LIPC: variants seen among roughly 807,000 people sequenced by gnomAD.
LIPC encodes hepatic triacylglycerol lipase.
A neutral mutation model predicts 50.7 loss-of-function variants in LIPC; 44 were observed. The observed-to-expected ratio is 0.87, with a 90% confidence interval of 0.68 to 1.11. The LOEUF (loss-of-function observed/expected upper bound fraction) is 1.11. Among genes scored for constraint, LIPC ranks in the 50% most tolerant of loss-of-function variants. The pLI is 0.00. For synonymous variants in LIPC, 271 were observed against 256.4 expected (o/e 1.06, Z -0.54); for missense variants, 697 against 648.2 (o/e 1.08, Z -0.82).
At chr15:58,453,919 T>C (rs945005348) in intron 1 of LIPC, among the ~76,000 whole-genome samples, 3 of 151,652 alleles carry the variant, frequency 2.0e-5, no homozygotes, top group Admixed American at 1.3e-4. Flanking sequence ...AGAATGTGGG[T>C]TCCTTAGCAC....
chr15:58,457,062 C>T (rs746416750), intron 1 of LIPC, among the ~76,000 whole-genome samples: 2 of 152,214 alleles, frequency 1.3e-5, no homozygotes, highest in South Asian at 2.1e-4. Flanking sequence ...AAGGCCAAAA[C>T]AGCACTGGGC....
chr15:58,561,047 C>G (rs1232255492), intron 7 of LIPC, 66 bp downstream of exon 7: 3 of 858,070 alleles, frequency 3.5e-6, no homozygotes, highest in Admixed American at 1.7e-5. Context: ...CATAAATGGA[C>G]TCTGTAATTT....
intron 1 of LIPC, among the ~76,000 whole-genome samples, chr15:58,507,479 G>A (rs1319091729): frequency 2.6e-5 from 4 of 152,148 alleles, no homozygotes; most frequent in African/African-American, 9.7e-5. Flanking sequence ...ACATATCTAC[G>A]ATTGAATTAT....
At chr15:58,490,328 C>T (rs1332085784) in intron 1 of LIPC, among the ~76,000 whole-genome samples, 1 of 152,114 alleles carries the variant, frequency 6.6e-6, no homozygotes, top group Non-Finnish European at 1.5e-5. Context: ...AGAGCTTCTG[C>T]CAGGAAAGAA....
At chr15:58,442,585 T>C (rs1893544395) in intron 1 of LIPC, among the ~76,000 whole-genome samples, 1 of 152,224 alleles carries the variant, frequency 6.6e-6, no homozygotes, top group Admixed American at 6.5e-5. Context: ...ACAGAAACCA[T>C]TATTTTTAAG....
intron 1 of LIPC, among the ~76,000 whole-genome samples, chr15:58,516,780 A>G (rs1160162455): frequency 1.3e-5 from 2 of 152,190 alleles, no homozygotes; most frequent in African/African-American, 2.4e-5. Context: ...GTTCTTGTGG[A>G]CTAATTTTAC....
At chr15:58,466,997 T>A (rs1278646636) in intron 1 of LIPC, among the ~76,000 whole-genome samples, 1 of 152,206 alleles carries the variant, frequency 6.6e-6, no homozygotes, top group Non-Finnish European at 1.5e-5. Flanking sequence ...GACAACCTCA[T>A]TTTTTTATAG....
Position 58,474,930 on chromosome 15 carries a change from C to G in LIPC, c.88+42810C>G, listed in dbSNP as rs191580634. The stretch of plus-strand genomic sequence containing the variant: ...CTAGGTCCTCGTGGATTCTGGGCCT[C>G]TGTCCAGTGACCAAAGGAGAGGACA... On this transcript the variant is annotated intron_variant, in intron 1 of 8. Coordinates refer to ENST00000299022, the MANE Select transcript of LIPC (RefSeq NM_000236.3). 1.4e-3 allele frequency among the ~76,000 whole-genome samples: 213 copies of G among 152,342 alleles called. 2 individuals are homozygous for G. Among genetic ancestry groups the G allele is most frequent in the East Asian group, 9.7e-4 (5 of 5,178 alleles).
At chr15:58,541,500 GA>G (rs1303363513) in intron 2 of LIPC, among the ~76,000 whole-genome samples, 4 of 150,318 alleles carry the variant, frequency 2.7e-5, no homozygotes, top group African/African-American at 9.7e-5. Context: ...GGGCGGGGGG[GA>G]ACGTTTGGAA....
At chr15:58,513,277 A>G (rs921301202) in intron 1 of LIPC, among the ~76,000 whole-genome samples, 10 of 152,246 alleles carry the variant, frequency 6.6e-5, no homozygotes, top group Admixed American at 4.6e-4. Flanking sequence ...CCCATTAACA[A>G]GGCTTCAGTC....
chr15:58,524,384 A>G (rs1463210917), intron 1 of LIPC, among the ~76,000 whole-genome samples: 1 of 152,264 alleles, frequency 6.6e-6, no homozygotes, highest in Non-Finnish European at 1.5e-5. Flanking sequence ...AATTACAGAC[A>G]ATCCTGCAAT....
intron 1 of LIPC, among the ~76,000 whole-genome samples, chr15:58,526,246 AATATAT>A: frequency 1.3e-5 from 2 of 152,346 alleles, no homozygotes; most frequent in Middle Eastern, 3.4e-3. Flanking sequence ...AAAGTTAGGT[AATATAT>A]CAGGGAGGCT....
chr15:58,546,274 G>A (rs762555804), intron 5 of LIPC, among the ~76,000 whole-genome samples: 6 of 152,178 alleles, frequency 3.9e-5, no homozygotes, highest in East Asian at 3.9e-4. Context: ...ACCCTCTCCC[G>A]GGGTACCAGC....
chr15:58,546,950 C>A (rs769265760), intron 5 of LIPC, among the ~76,000 whole-genome samples: 2 of 151,750 alleles, frequency 1.3e-5, no homozygotes, highest in African/African-American at 2.4e-5. Flanking sequence ...CCACCTCCCC[C>A]ACTCCAACAC....
chr15:58,506,926 G>C (rs912664931), intron 1 of LIPC, among the ~76,000 whole-genome samples: 3 of 152,244 alleles, frequency 2.0e-5, no homozygotes, highest in Non-Finnish European at 4.4e-5. Flanking sequence ...AATCATTGCA[G>C]AGGAGGAAGC....
At chr15:58,551,398 A>G (rs1294350999) in intron 6 of LIPC, among the ~76,000 whole-genome samples, 1 of 152,246 alleles carries the variant, frequency 6.6e-6, no homozygotes, top group African/African-American at 2.4e-5. Context: ...ATATGTGGCT[A>G]TTTAAATCCA....
intron 2 of LIPC, 38 bp downstream of exon 2, chr15:58,538,555 C>T (rs1391682750): frequency 3.1e-6 from 5 of 1,596,864 alleles, no homozygotes; most frequent in Non-Finnish European, 3.4e-6. Flanking sequence ...TCTCCGATTT[C>T]ACATTTTCTT....
intron 1 of LIPC, among the ~76,000 whole-genome samples, chr15:58,536,293 GAA>G (rs1274721069): frequency 6.6e-6 from 1 of 152,130 alleles, no homozygotes; most frequent in Non-Finnish European, 1.5e-5. Context: ...GCAGGAGAAC[GAA>G]AAGAGAGGAG....
At chr15:58,546,495 T>A (rs2140923619) in intron 5 of LIPC, among the ~76,000 whole-genome samples, 1 of 152,340 alleles carries the variant, frequency 6.6e-6, no homozygotes, top group East Asian at 1.9e-4. Flanking sequence ...TTCAAATATG[T>A]CCTTGTTATG....
Sources: gnomAD v4.1 joint callset for allele counts (sites outside exome capture counted in the v4.1 genomes callset) on GRCh38, gnomAD v4.1.1 for gene constraint, MANE v1.5 for transcripts, NCBI Gene and HGNC (gene_info 2026-07-23, HGNC 2026-07-21) for gene names.